The following COLEC12 variants were observed in gnomAD, a reference collection of about 807,000 sequenced individuals.
COLEC12 encodes the protein collectin-12.
Under a neutral mutation model 71.1 loss-of-function variants are expected in COLEC12, and 33 were observed. That is an observed-to-expected ratio of 0.46 (90% CI 0.35 to 0.62). COLEC12 has a LOEUF of 0.62. COLEC12 is among the 20% of genes least tolerant of loss of function. The probability of loss-of-function intolerance (pLI) is 0.00; values close to 1 mark genes in which losing one functional copy is unlikely to be tolerated. For missense variants in COLEC12, 765 were observed against 916.1 expected (o/e 0.84, Z 2.13); for synonymous variants, 350 against 353.0 (o/e 0.99, Z 0.10).
intron 2 of COLEC12, among the ~76,000 whole-genome samples, chr18:396,832 C>T (rs1209911362): frequency 6.6e-6 from 1 of 152,246 alleles, no homozygotes; most frequent in Non-Finnish European, 1.5e-5. Flanking sequence ...AAAGGCCACA[C>T]TTGGATGATT....
rs1053215200 is a variant in COLEC12 at position 408,212 on chromosome 18, TA to T, written c.59-50691del. The stretch of plus-strand genomic sequence containing the variant: ...AGCCTTATCACAAGTTATTTAACCC[TA>T]AACTCCAGGTTCCTAATTGGGAAAC... On this transcript the variant is annotated intron_variant, in intron 2 of 9. Coordinates refer to ENST00000400256, the MANE Select transcript of COLEC12 (RefSeq NM_130386.3). This position sits in a 1 kb window ranked among gnomAD's most constrained non-coding sequence, Gnocchi z 4.3. Among the ~76,000 whole-genome samples, 5 of 152,198 alleles carry T rather than the reference TA, an allele frequency of 3.3e-5. No homozygotes were observed. Among genetic ancestry groups the T allele is most frequent in the African/African-American group, 1.2e-4 (5 of 41,432 alleles).
At chr18:491,844 C>T (rs752484300) in intron 1 of COLEC12, among the ~76,000 whole-genome samples, 4 of 152,196 alleles carry the variant, frequency 2.6e-5, no homozygotes, top group Non-Finnish European at 5.9e-5. Flanking sequence ...TGATATGTCC[C>T]TAAGCACAGT....
At chr18:420,014 A>C (rs2143651917) in intron 2 of COLEC12, among the ~76,000 whole-genome samples, 1 of 152,278 alleles carries the variant, frequency 6.6e-6, no homozygotes, top group South Asian at 2.1e-4. Context: ...GGTTACTTGG[A>C]GAGGGCCTAG....
At chr18:386,424 A>G (rs775526341) in intron 2 of COLEC12, among the ~76,000 whole-genome samples, 11 of 152,320 alleles carry the variant, frequency 7.2e-5, no homozygotes, top group Non-Finnish European at 1.6e-4. Flanking sequence ...ATTATCTGGA[A>G]TATTCTCAGA....
At chr18:469,390 T>C (rs971968411) in intron 2 of COLEC12, among the ~76,000 whole-genome samples, 1 of 152,242 alleles carries the variant, frequency 6.6e-6, no homozygotes, top group African/African-American at 2.4e-5. Flanking sequence ...GAAAAATCTA[T>C]TTTTTATTAC....
At chr18:445,433 T>C (rs2127639) in intron 2 of COLEC12, among the ~76,000 whole-genome samples, 74,774 of 152,010 alleles carry the variant, frequency 0.49, 18,674 homozygotes, top group South Asian at 0.55. Context: ...TTATCTGTTA[T>C]GTTTTTAAAC....
At chr18:351,857 T>C (rs1914530412) in intron 3 of COLEC12, among the ~76,000 whole-genome samples, 1 of 152,226 alleles carries the variant, frequency 6.6e-6, no homozygotes. Flanking sequence ...TTTTTGTATT[T>C]TTAGTAGAGA....
intron 2 of COLEC12, among the ~76,000 whole-genome samples, chr18:471,675 CTTT>C (rs1917201466): frequency 6.6e-6 from 1 of 150,578 alleles, no homozygotes; most frequent in Admixed American, 6.6e-5. Context: ...TAAATTGTTG[CTTT>C]TTAATAATTT....
chr18:482,112 G>A (rs1917430655), intron 1 of COLEC12, among the ~76,000 whole-genome samples: 1 of 150,376 alleles, frequency 6.6e-6, no homozygotes, highest in Non-Finnish European at 1.5e-5. Context: ...CTGTCCAGGA[G>A]GAACACTTTT....
intron 2 of COLEC12, among the ~76,000 whole-genome samples, chr18:406,751 T>C (rs998994400): frequency 2.6e-5 from 4 of 152,226 alleles, no homozygotes; most frequent in Non-Finnish European, 5.9e-5. Context: ...TGGTCCTCAG[T>C]GCTCTCCAGG....
intron 3 of COLEC12, among the ~76,000 whole-genome samples, chr18:349,746 G>A (rs142906814): frequency 3.3e-4 from 50 of 152,350 alleles, no homozygotes; most frequent in Admixed American, 7.2e-4. Flanking sequence ...GCATGACCGG[G>A]ATGTGCGACC....
chr18:467,246 G>A (rs1420645138), intron 2 of COLEC12, among the ~76,000 whole-genome samples: 1 of 151,994 alleles, frequency 6.6e-6, no homozygotes, highest in Non-Finnish European at 1.5e-5. Context: ...TCCCAGCTGG[G>A]AAAACGACTC....
At chr18:373,764 G>A (rs983486419) in intron 2 of COLEC12, among the ~76,000 whole-genome samples, 5 of 152,064 alleles carry the variant, frequency 3.3e-5, no homozygotes, top group African/African-American at 1.2e-4. Context: ...ATGCTTCGTG[G>A]TACATCTGCA....
chr18:373,754 A>G (rs1173067958), intron 2 of COLEC12, among the ~76,000 whole-genome samples: 1 of 151,892 alleles, frequency 6.6e-6, no homozygotes, highest in African/African-American at 2.4e-5. Context: ...TCTGTCTGGT[A>G]TGCTTCGTGG....
In COLEC12 at chr18:437,563, C is replaced by G. The variant is rs1916431605; in HGVS notation, c.58+43144G>C. On this transcript the variant is annotated intron_variant, in intron 2 of 9. Coordinates refer to ENST00000400256, the MANE Select transcript of COLEC12 (RefSeq NM_130386.3). ...GACGAACTTGCAGTCATCTGCTCAG[C>G]TGATGGCTGGTTGAGTTATGTCTCT... Among the ~76,000 whole-genome samples, 4 of 152,134 alleles carry G rather than the reference C, an allele frequency of 2.6e-5. No individual in the cohort carries two copies. In the South Asian group the frequency reaches 6.2e-4, roughly 24 times the overall value.
At chr18:382,677 G>A (rs1455275302) in intron 2 of COLEC12, among the ~76,000 whole-genome samples, 2 of 152,138 alleles carry the variant, frequency 1.3e-5, no homozygotes, top group African/African-American at 4.8e-5. Flanking sequence ...TAGGATTATT[G>A]TATAGATTAA....
intron 2 of COLEC12, among the ~76,000 whole-genome samples, chr18:361,674 T>C (rs1914747163): frequency 6.6e-6 from 1 of 152,022 alleles, no homozygotes; most frequent in South Asian, 2.1e-4. Flanking sequence ...ATTTTTGAAA[T>C]TTAGAGAAAG....
chr18:367,793 T>C (rs1914887940), intron 2 of COLEC12, among the ~76,000 whole-genome samples: 1 of 152,176 alleles, frequency 6.6e-6, no homozygotes, highest in Non-Finnish European at 1.5e-5. Context: ...ATACTTGTTA[T>C]TAAAACTGGA....
chr18:331,029 G>A (rs746817617), intron 8 of COLEC12, among the ~76,000 whole-genome samples: 2 of 151,820 alleles, frequency 1.3e-5, no homozygotes, highest in Non-Finnish European at 1.5e-5. Flanking sequence ...ACCCGCATGC[G>A]CCACCATATC....
Sources: allele counts gnomAD v4.1 joint callset (sites outside exome capture counted in the v4.1 genomes callset), GRCh38; gene constraint gnomAD v4.1.1; non-coding constraint Gnocchi (gnomAD v3.1); transcripts MANE v1.5; gene names NCBI Gene and HGNC (gene_info 2026-07-23, HGNC 2026-07-21).